CACNA2D3: variants seen among roughly 807,000 people sequenced by gnomAD.
The protein encoded by CACNA2D3 is voltage-dependent calcium channel subunit alpha-2/delta-3.
In CACNA2D3, 60 loss-of-function variants were observed where a neutral mutation model predicts 160.6. The ratio of observed to expected loss-of-function variants is 0.37; its 90% CI spans 0.30 to 0.46. The LOEUF (loss-of-function observed/expected upper bound fraction) is 0.46, where lower values mean the gene tolerates loss of function less well. CACNA2D3 is among the 20% of genes least tolerant of loss of function. CACNA2D3 has a pLI of 1.00. For missense variants in CACNA2D3, 1,205 were observed against 1,365.0 expected, an observed-to-expected ratio of 0.88 and a Z score of 1.85; for synonymous variants, 558 against 492.9, an observed-to-expected ratio of 1.13 and a Z score of -1.75.
intron 9 of CACNA2D3, among the ~76,000 whole-genome samples, chr3:54,623,491 C>G (rs1009101092): frequency 2.6e-4 from 39 of 152,114 alleles, no homozygotes; most frequent in Admixed American, 1.5e-3. Context: ...TAGCTTCACT[C>G]AAATCATATG....
chr3:54,305,097 GTTGT>G (rs1174156884), intron 2 of CACNA2D3, among the ~76,000 whole-genome samples: 1 of 152,114 alleles, frequency 6.6e-6, no homozygotes, highest in Non-Finnish European at 1.5e-5. Context: ...TGTTTGATGG[GTTGT>G]TTAATTCATG....
rs138448154 is a variant in CACNA2D3 at position 54,475,809 on chromosome 3, T to TGTGTGTGTGTGTGTGTGTGTGTG, written c.382-27683_382-27682insGTGTGTGTGTGTGTGTGTGTGTG. Among the ~76,000 whole-genome samples, 13 of 142,822 alleles carry TGTGTGTGTGTGTGTGTGTGTGTG rather than the reference T, an allele frequency of 9.1e-5. No homozygotes were observed. The South Asian group carries it at 2.8e-3, about 31-fold the overall frequency. The allele number at this position is 142,822 out of a possible 152,430, so 93.7% of individuals were successfully genotyped here. On this transcript the variant is annotated intron_variant, in intron 4 of 37. Coordinates refer to ENST00000474759, the MANE Select transcript of CACNA2D3 (RefSeq NM_018398.3). ...ATCCATCTTCTCACATGGTTACCATTTGTGTGTGTGTGTGTGTGTGTGTGT... is the reference window on the plus strand; with the variant it reads ...ATCCATCTTCTCACATGGTTACCATTGTGTGTGTGTGTGTGTGTGTGTGTGTGTGTGTGTGTGTGTGTGTGTGT...
chr3:54,428,324 C>T (rs1030501868), intron 4 of CACNA2D3, among the ~76,000 whole-genome samples: 1 of 152,182 alleles, frequency 6.6e-6, no homozygotes, highest in Non-Finnish European at 1.5e-5. Context: ...AGACTAAACT[C>T]AGACAGACTT....
At chr3:54,896,258 A>G (rs1258781575) in intron 25 of CACNA2D3, among the ~76,000 whole-genome samples, 1 of 152,186 alleles carries the variant, frequency 6.6e-6, no homozygotes, top group Non-Finnish European at 1.5e-5. Context: ...AAGAAGGTAC[A>G]AAGATCTCAG....
chr3:54,532,345 A>T (rs992133290), intron 5 of CACNA2D3, among the ~76,000 whole-genome samples: 2 of 152,206 alleles, frequency 1.3e-5, no homozygotes, highest in African/African-American at 4.8e-5. Context: ...CAATATGTTA[A>T]CAAGTACAGT....
At chr3:54,724,121 A>G (rs1485872988) in intron 11 of CACNA2D3, among the ~76,000 whole-genome samples, 3 of 152,164 alleles carry the variant, frequency 2.0e-5, no homozygotes. Context: ...TGCAATCCTA[A>G]TGTCTGATAA....
chr3:54,740,549 A>G (rs1320809075), intron 11 of CACNA2D3, among the ~76,000 whole-genome samples: 3 of 152,156 alleles, frequency 2.0e-5, no homozygotes, highest in Non-Finnish European at 4.4e-5. Flanking sequence ...CAGATCACCA[A>G]AAACCCACAA....
intron 4 of CACNA2D3, among the ~76,000 whole-genome samples, chr3:54,392,743 C>T (rs545866146): frequency 2.6e-5 from 4 of 152,218 alleles, no homozygotes; most frequent in Admixed American, 6.5e-5. Context: ...CTTCCTAGAG[C>T]AGCTTACTCT....
At chr3:54,332,943 G>T (rs761776228) in intron 3 of CACNA2D3, among the ~76,000 whole-genome samples, 1 of 152,138 alleles carries the variant, frequency 6.6e-6, no homozygotes, top group Non-Finnish European at 1.5e-5. Context: ...TTGAAATCGG[G>T]AGTCCTGGCC....
In CACNA2D3 at chr3:54,748,063, C is replaced by A. The variant is rs557398795; in HGVS notation, c.1168-4536C>A. ...CTGGCACCAAGAATGGTCCCTGGCA[C>A]ATAGTAGTCACTCATGAGTTACACG... On this transcript the variant is annotated intron_variant, in intron 11 of 37. Transcript: ENST00000474759. Among the ~76,000 whole-genome samples, 4 of 152,336 alleles carry A rather than the reference C, an allele frequency of 2.6e-5. No individual in the cohort carries two copies. In the South Asian group the frequency reaches 8.3e-4, roughly 32 times the overall value.
At chr3:54,660,020 C>T (rs191676302) in intron 11 of CACNA2D3, among the ~76,000 whole-genome samples, 1 of 152,134 alleles carries the variant, frequency 6.6e-6, no homozygotes, top group Non-Finnish European at 1.5e-5. Flanking sequence ...CCTTTGAAGT[C>T]AATCCTGACA....
At chr3:54,298,333 C>G (rs1703385870) in intron 2 of CACNA2D3, among the ~76,000 whole-genome samples, 1 of 152,250 alleles carries the variant, frequency 6.6e-6, no homozygotes, top group Non-Finnish European at 1.5e-5. Context: ...TCCTTTCTAG[C>G]ACTCACACAG....
intron 2 of CACNA2D3, among the ~76,000 whole-genome samples, chr3:54,292,623 A>G (rs1035531865): frequency 6.6e-6 from 1 of 152,254 alleles, no homozygotes; most frequent in African/African-American, 2.4e-5. Flanking sequence ...AGCCACAGTC[A>G]GATAACAACA....
rs143264210 is a variant in CACNA2D3 at position 54,296,058 on chromosome 3, C to T, written c.205-24384C>T. On this transcript the variant is annotated intron_variant, in intron 2 of 37. Coordinates refer to ENST00000474759, the MANE Select transcript of CACNA2D3 (RefSeq NM_018398.3). ...TGGAGGACGTCCCTTGGGCTGTGTC[C>T]GCCTTTGCCCAGCCTTGGAAGGGGA... 6.2e-3 allele frequency among the ~76,000 whole-genome samples: 944 copies of T among 152,258 alleles called. 16 individuals are homozygous for T. In the East Asian group the frequency reaches 0.063, roughly 10 times the overall value.
intron 5 of CACNA2D3, among the ~76,000 whole-genome samples, chr3:54,545,856 T>C (rs548253868): frequency 1.3e-5 from 2 of 152,334 alleles, no homozygotes; most frequent in East Asian, 1.9e-4. Context: ...CTGTGGTCTT[T>C]ATTCTGGCAC....
intron 27 of CACNA2D3, among the ~76,000 whole-genome samples, chr3:54,906,159 A>G (rs954808345): frequency 2.6e-5 from 4 of 151,968 alleles, no homozygotes; most frequent in Admixed American, 2.0e-4. Context: ...GAGAGCTTCC[A>G]TTTGTGTGGC....
intron 4 of CACNA2D3, among the ~76,000 whole-genome samples, chr3:54,406,432 G>T (rs959723551): frequency 6.6e-6 from 1 of 151,968 alleles, no homozygotes; most frequent in African/African-American, 2.4e-5. Context: ...CACACACATT[G>T]TACAATGTGT....
At chr3:54,590,244 A>G (rs1167939965) in intron 9 of CACNA2D3, among the ~76,000 whole-genome samples, 1 of 152,194 alleles carries the variant, frequency 6.6e-6, no homozygotes, top group Non-Finnish European at 1.5e-5. Context: ...ACAGCAATCT[A>G]TTGATAGATA....
intron 4 of CACNA2D3, among the ~76,000 whole-genome samples, chr3:54,389,040 C>T (rs1699236024): frequency 6.6e-6 from 1 of 152,152 alleles, no homozygotes; most frequent in Non-Finnish European, 1.5e-5. Context: ...CTGGGTGGCT[C>T]ACACCTGTAG....
Sources: allele counts gnomAD v4.1 joint callset (sites outside exome capture counted in the v4.1 genomes callset), GRCh38; gene constraint gnomAD v4.1.1; transcripts MANE v1.5; gene names NCBI Gene and HGNC (gene_info 2026-07-23, HGNC 2026-07-21).